GALNT1: variants seen among roughly 807,000 people sequenced by gnomAD.
GALNT1 encodes the protein polypeptide N-acetylgalactosaminyltransferase 1.
GALNT1 carries 17 observed loss-of-function variants against 65.7 expected under a neutral mutation model. That is an observed-to-expected ratio of 0.26 (90% confidence interval 0.18 to 0.39). The LOEUF is 0.39. Among genes scored for constraint, GALNT1 ranks in the 10% least tolerant of loss-of-function variants. The pLI is 1.00. For synonymous variants in GALNT1, 210 were observed against 219.7 expected, an observed-to-expected ratio of 0.96 and a Z score of 0.39; for missense variants, 460 against 672.8, an observed-to-expected ratio of 0.68 and a Z score of 3.50.
At chr18:35,631,255 AAAG>A (rs2047004213) in intron 1 of GALNT1, among the ~76,000 whole-genome samples, 1 of 152,208 alleles carries the variant, frequency 6.6e-6, no homozygotes, top group African/African-American at 2.4e-5. Context: ...AACTTTAAAA[AAAG>A]AGAATTTTAG....
intron 1 of GALNT1, among the ~76,000 whole-genome samples, chr18:35,616,134 T>C (rs931523097): frequency 2.0e-5 from 3 of 152,184 alleles, no homozygotes; most frequent in African/African-American, 7.2e-5. Flanking sequence ...TAATGTTGGA[T>C]TTAAAAGGTA....
chr18:35,621,521 T>C (rs2046851521), intron 1 of GALNT1, among the ~76,000 whole-genome samples: 1 of 149,148 alleles, frequency 6.7e-6, no homozygotes, highest in Non-Finnish European at 1.5e-5. Flanking sequence ...TAGAAGTTTT[T>C]AATACATTCT....
intron 1 of GALNT1, among the ~76,000 whole-genome samples, chr18:35,601,892 AGTGAT>A (rs2046587016): frequency 6.6e-6 from 1 of 152,188 alleles, no homozygotes; most frequent in Non-Finnish European, 1.5e-5. Flanking sequence ...TCGTCATTCT[AGTGAT>A]GTGAATGGAT....
chr18:35,679,673 C>T (rs16966998), intron 4 of GALNT1, among the ~76,000 whole-genome samples: 9,389 of 152,206 alleles, frequency 0.062, 323 homozygotes, highest in South Asian at 0.077. Context: ...CTCAAATATC[C>T]GGGTTACCAT....
chr18:35,677,642 T>C lies in GALNT1; in HGVS notation c.366T>C (p.Ile122=). 1 of 1,613,162 alleles carries C rather than the reference T, an allele frequency of 6.2e-7. No individual in the cohort carries two copies. Among genetic ancestry groups the C allele is most frequent in the Non-Finnish European group, 8.5e-7 (1 of 1,179,324 alleles). Residue 122 remains isoleucine (I), a synonymous_variant, in exon 4 of 12, where the codon ATT becomes ATC. Coordinates refer to ENST00000269195, the MANE Select transcript of GALNT1 (RefSeq NM_020474.4). ...ATCTTCCTACAACAAGTGTGGTGATTGTTTTCCACAATGAGGCTTGGAGCA... is the reference window on the plus strand; with the variant it reads ...ATCTTCCTACAACAAGTGTGGTGATCGTTTTCCACAATGAGGCTTGGAGCA... ...PDNLPTTSVV[I]VFHNEAWSTL... is the part of the protein sequence containing the mutation.
intron 4 of GALNT1, among the ~76,000 whole-genome samples, chr18:35,679,934 A>C (rs1464960205): frequency 1.3e-5 from 2 of 152,178 alleles, no homozygotes; most frequent in Admixed American, 1.3e-4. Context: ...AACTAGTCAA[A>C]CTAATGTCCC....
chr18:35,623,726 A>G (rs1295505582), intron 1 of GALNT1, among the ~76,000 whole-genome samples: 1 of 152,012 alleles, frequency 6.6e-6, no homozygotes, highest in African/African-American at 2.4e-5. Context: ...TTCAGACTTT[A>G]TATTTTTGTA....
chr18:35,602,556 T>C (rs2046595249), intron 1 of GALNT1, among the ~76,000 whole-genome samples: 1 of 152,184 alleles, frequency 6.6e-6, no homozygotes. Flanking sequence ...TTTTTATTCT[T>C]TTTTTTCCTC....
At chr18:35,582,192 A>G (rs941126704) in intron 1 of GALNT1, among the ~76,000 whole-genome samples, 2 of 152,140 alleles carry the variant, frequency 1.3e-5, no homozygotes, top group African/African-American at 4.8e-5. Context: ...GCCGTGTGGT[A>G]CTTGCAACCG....
At chr18:35,595,874 C>A (rs1271770101) in intron 1 of GALNT1, 1 of 152,060 alleles carries the variant, frequency 6.6e-6, no homozygotes, top group East Asian at 1.9e-4. Context: ...AAATTATTTT[C>A]TGAATTAGAA....
intron 4 of GALNT1, among the ~76,000 whole-genome samples, chr18:35,680,425 A>T (rs1383866438): frequency 1.3e-5 from 2 of 152,150 alleles, no homozygotes; most frequent in African/African-American, 4.8e-5. Flanking sequence ...TGTTTAATAG[A>T]TACCTTCCCC....
intron 9 of GALNT1, among the ~76,000 whole-genome samples, chr18:35,693,524 G>C (rs1660360058): frequency 6.6e-6 from 1 of 152,172 alleles, no homozygotes; most frequent in African/African-American, 2.4e-5. Context: ...ATGCTATGTG[G>C]AGAAAAACTA....
rs1384871399 is a variant in GALNT1 at position 35,709,642 on chromosome 18, G to A, written c.1552G>A (p.Val518Met). The change falls in exon 12 of 12, where the codon GTG becomes ATG. Residue 518 changes from valine to methionine, a missense_variant. Transcript: ENST00000269195. ...YDPVKLTLQH[V>M]NSNQCLDKAT... is the part of the protein sequence containing the mutation. ...ATTTCAGAAATTAACCCTGCAGCAT[G>A]TGAACAGTAATCAGTGCCTGGATAA... 6.2e-7 allele frequency: 1 copy of A among 1,614,062 alleles called. No individual in the cohort carries two copies. Among genetic ancestry groups the A allele is most frequent in the East Asian group, 2.2e-5 (1 of 44,884 alleles).
chr18:35,599,173 A>G (rs1245807381), intron 1 of GALNT1, among the ~76,000 whole-genome samples: 1 of 151,854 alleles, frequency 6.6e-6, no homozygotes, highest in Non-Finnish European at 1.5e-5. Flanking sequence ...TAAACAGGTT[A>G]TCTCTTCACT....
intron 1 of GALNT1, among the ~76,000 whole-genome samples, chr18:35,600,807 AT>A (rs202019956): frequency 1.3e-5 from 2 of 152,034 alleles, no homozygotes; most frequent in South Asian, 4.1e-4. Context: ...GTGGTGAATG[AT>A]TTTTTTAATA....
intron 1 of GALNT1, among the ~76,000 whole-genome samples, chr18:35,584,518 G>A (rs994763132): frequency 6.6e-6 from 1 of 152,150 alleles, no homozygotes; most frequent in Non-Finnish European, 1.5e-5. Context: ...GAGGAGTGCG[G>A]CAACTTCGTA....
At chr18:35,618,927 G>C (rs1271773644) in intron 1 of GALNT1, among the ~76,000 whole-genome samples, 1 of 152,090 alleles carries the variant, frequency 6.6e-6, no homozygotes, top group Non-Finnish European at 1.5e-5. Context: ...GCTTTTCACA[G>C]GAAAATCAGC....
At chr18:35,581,693 G>A (rs1335991087), upstream of GALNT1, 1 of 136 alleles carries the variant, frequency 7.4e-3, no homozygotes, top group African/African-American at 0.05. Flanking sequence ...GGGCGCGGCG[G>A]AGCGGGGCCC....
chr18:35,656,396 T>C (rs891801029), intron 2 of GALNT1, among the ~76,000 whole-genome samples: 7 of 152,138 alleles, frequency 4.6e-5, no homozygotes, highest in Non-Finnish European at 1.0e-4. Context: ...GAAATAACAA[T>C]AGTAAATATC....
Sources: gnomAD v4.1 joint callset for allele counts (sites outside exome capture counted in the v4.1 genomes callset) on GRCh38, gnomAD v4.1.1 for gene constraint, MANE v1.5 for transcripts, NCBI Gene and HGNC (gene_info 2026-07-23, HGNC 2026-07-21) for gene names.